The following SQSTM1 variants were observed in gnomAD, a reference collection of about 807,000 sequenced individuals.
The protein encoded by SQSTM1 is sequestosome 1.
SQSTM1 carries 36 observed loss-of-function variants against 45.1 expected under a neutral mutation model. The ratio of observed to expected loss-of-function variants is 0.80; its 90% CI spans 0.61 to 1.05. The LOEUF is 1.05. Ranked by LOEUF, SQSTM1 falls within the 50% of genes least tolerant of loss-of-function variation. The pLI is 0.00. For synonymous variants in SQSTM1, 290 were observed against 244.3 expected (o/e 1.19, Z -1.74); for missense variants, 617 against 607.1 (o/e 1.02, Z -0.17).
chr5:179,837,423 TAA>T lies in SQSTM1; in HGVS notation c.*832_*833del. On this transcript the variant is annotated 3_prime_UTR_variant, in exon 8 of 8. Coordinates refer to ENST00000389805, the MANE Select transcript of SQSTM1 (RefSeq NM_003900.5). The stretch of plus-strand genomic sequence containing the variant: ...TCATCATCGAAGTCTTCCCCAGTTA[TAA>T]AGAGGTCACATAGTCGTGTGGGTCG... 2 of 1,603,816 alleles carry T rather than the reference TAA, an allele frequency of 1.2e-6. No individual in the cohort carries two copies. The highest frequency in any genetic ancestry group is 1.1e-5 in the South Asian group (1 of 90,144).
Position 179,833,619 on chromosome 5 carries a change from A to AGAT in SQSTM1, c.1008_1010dup (p.Asp337dup). ...TGGAGTCGGATAACTGTTCAGGAGG[A>AGAT]GATGATGACTGGACCCATCTGTCTT... On this transcript the variant is annotated inframe_insertion, in exon 7 of 8. Transcript: ENST00000389805. The AGAT allele has an allele frequency of 1.2e-6, 2 of 1,614,104 alleles. No individual in the cohort carries two copies. The highest frequency in any genetic ancestry group is 1.7e-6 in the Non-Finnish European group (2 of 1,180,028).
chr5:179,835,890 A>G (rs1758528735), intron 7 of SQSTM1: 2 of 209,868 alleles, frequency 9.5e-6, no homozygotes, highest in Admixed American at 5.3e-5. Context: ...TATATACCAC[A>G]TTTTCTTTAT....
chr5:179,818,540 G>A (rs1757652207), upstream of SQSTM1, among the ~76,000 whole-genome samples: 1 of 152,174 alleles, frequency 6.6e-6, no homozygotes, highest in African/African-American at 2.4e-5. Flanking sequence ...AACATGCTGG[G>A]CAGCAACAGA....
At chr5:179,818,227 G>C (rs1363330794), upstream of SQSTM1, among the ~76,000 whole-genome samples, 1 of 152,042 alleles carries the variant, frequency 6.6e-6, no homozygotes, top group Non-Finnish European at 1.5e-5. Context: ...GCAAGGGAGG[G>C]CTGTGGCCCT....
At chr5:179,815,925 G>T (rs957709934), upstream of SQSTM1, among the ~76,000 whole-genome samples, 3 of 143,054 alleles carry the variant, frequency 2.1e-5, no homozygotes, top group Non-Finnish European at 4.4e-5. Context: ...AGCCCACATA[G>T]TCAGGGCAGG....
In SQSTM1 at chr5:179,838,014, G is replaced by T; in HGVS notation, c.*1421G>T. ...CTTTCTGCTGGAAGCTGTCAGGCTG[G>T]GACAGGCTTTGATTTTGAGGGTTAG... On this transcript the variant is annotated 3_prime_UTR_variant, in exon 8 of 8. Transcript: ENST00000389805. 1.2e-6 allele frequency: 1 copy of T among 857,072 alleles called. No homozygotes were observed. The highest frequency in any genetic ancestry group is 1.8e-6 in the Non-Finnish European group (1 of 566,814). 53.1% of individuals were successfully genotyped at this position (857,072 alleles called of 1,614,324 possible). A position where few individuals can be genotyped will look rare whatever the true frequency, so the allele number is the denominator to read the frequency against.
Position 179,836,899 on chromosome 5 carries a change from T to C in SQSTM1, c.*306T>C, listed in dbSNP as rs1561610496. 6 of 608,944 alleles carry C rather than the reference T, an allele frequency of 9.9e-6. No homozygotes were observed. In the East Asian group the frequency reaches 1.1e-4, roughly 11 times the overall value. The allele number at this position is 608,944 out of a possible 1,614,324, so 37.7% of individuals were successfully genotyped here. A position where few individuals can be genotyped will look rare whatever the true frequency, so the allele number is the denominator to read the frequency against. On this transcript the variant is annotated 3_prime_UTR_variant, in exon 8 of 8. Transcript: ENST00000389805. ...GGGGCTACGTTAGCAGCCCAGCACA[T>C]AGCTTGCCTAATGGCTTTCACTTTC... is the stretch of plus-strand genomic sequence containing the variant.
upstream of SQSTM1, chr5:179,820,104 C>T (rs1757718135): frequency 6.5e-6 from 1 of 152,730 alleles, no homozygotes; most frequent in African/African-American, 2.4e-5. Flanking sequence ...TCCTTCCTAG[C>T]TGAGGAGGCT....
At chr5:179,829,338 C>T (rs1053059391) in intron 5 of SQSTM1, among the ~76,000 whole-genome samples, 1 of 152,172 alleles carries the variant, frequency 6.6e-6, no homozygotes, top group Non-Finnish European at 1.5e-5. Flanking sequence ...CCTGCCAGAC[C>T]CCCAGGCACC....
At chr5:179,821,285 T>C in intron 1 of SQSTM1, 144 bp downstream of exon 1, 1 of 862,680 alleles carries the variant, frequency 1.2e-6, no homozygotes. Flanking sequence ...GGCGGTGGCC[T>C]GCATGGGTCC....
rs1348734843 is a variant in SQSTM1, at chr5:179,836,909, A to G, written c.*316A>G. On this transcript the variant is annotated 3_prime_UTR_variant, in exon 8 of 8. Coordinates refer to ENST00000389805, the MANE Select transcript of SQSTM1 (RefSeq NM_003900.5). ...TAGCAGCCCAGCACATAGCTTGCCTAATGGCTTTCACTTTCTCTTTTGTTT... is the reference window on the plus strand; with the variant it reads ...TAGCAGCCCAGCACATAGCTTGCCTGATGGCTTTCACTTTCTCTTTTGTTT... 5.6e-5 allele frequency: 34 copies of G among 607,730 alleles called. No homozygotes were observed. In the East Asian group the frequency reaches 9.0e-4, roughly 16 times the overall value. The allele number at this position is 607,730 out of a possible 1,614,324, so 37.6% of individuals were successfully genotyped here.
rs534483123 is a variant in SQSTM1 at position 179,829,683 on chromosome 5, G to GT, written c.755-3342dup. 3.0e-4 allele frequency among the ~76,000 whole-genome samples: 46 copies of GT among 152,160 alleles called. No individual in the cohort carries two copies. In the East Asian group the frequency reaches 7.7e-3, roughly 26 times the overall value. ...ATATTCCAAAAGCAAAATAGAGATAGTTTTTTTATCTTTCCTCTCCTCCTA... is the reference window on the plus strand; with the variant it reads ...ATATTCCAAAAGCAAAATAGAGATAGTTTTTTTTATCTTTCCTCTCCTCCTA... On this transcript the variant is annotated intron_variant, in intron 5 of 7. Coordinates refer to ENST00000389805, the MANE Select transcript of SQSTM1 (RefSeq NM_003900.5).
chr5:179,831,695 T>C (rs1481588043), intron 5 of SQSTM1, among the ~76,000 whole-genome samples: 1 of 151,910 alleles, frequency 6.6e-6, no homozygotes, highest in Admixed American at 6.6e-5. Context: ...CCATTATCAG[T>C]GGTAGGAAAA....
Position 179,824,104 on chromosome 5 carries a change from T to G in SQSTM1, c.531+17T>G, listed in dbSNP as rs1204141934. Reference sequence around the variant, plus strand: ...CTGTCTGAGGTGAGCAGGCCCTCTGTGCAGGCCTGGGGTGGGCTCAGGGTG... The same window carrying G: ...CTGTCTGAGGTGAGCAGGCCCTCTGGGCAGGCCTGGGGTGGGCTCAGGGTG... On this transcript the variant is annotated intron_variant, in intron 3 of 7. Transcript: ENST00000389805. The G allele has an allele frequency of 6.2e-7, 1 of 1,613,726 alleles. No homozygotes were observed.
chr5:179,834,243 G>T (rs1439008947), intron 7 of SQSTM1, among the ~76,000 whole-genome samples: 2 of 93,464 alleles, frequency 2.1e-5, no homozygotes, highest in Non-Finnish European at 4.2e-5. Flanking sequence ...CAGTGGGGGG[G>T]TGGGGGGTGG....
exon 2 of SQSTM1, chr5:179,811,592 C>T (rs1272221484): frequency 1.3e-5 from 2 of 152,246 alleles, no homozygotes; most frequent in African/African-American, 2.4e-5. Flanking sequence ...AGATTAATCT[C>T]TCATGGCCGC....
chr5:179,820,889 G>T, upstream of SQSTM1: 2 of 1,436,238 alleles, frequency 1.4e-6, no homozygotes, highest in Non-Finnish European at 1.8e-6. Context: ...AAAGCCGCGC[G>T]GCGGCTGCGA....
chr5:179,836,923 T>C lies in SQSTM1; in HGVS notation c.*330T>C. 2 of 606,778 alleles carry C rather than the reference T, an allele frequency of 3.3e-6. No homozygotes were observed. The highest frequency in any genetic ancestry group is 5.8e-6 in the Non-Finnish European group (2 of 343,782). The allele number at this position is 606,778 out of a possible 1,614,324, so 37.6% of individuals were successfully genotyped here. Reference sequence around the variant, plus strand: ...ATAGCTTGCCTAATGGCTTTCACTTTCTCTTTTGTTTTAAATGACTCATAG... The same window carrying C: ...ATAGCTTGCCTAATGGCTTTCACTTCCTCTTTTGTTTTAAATGACTCATAG... On this transcript the variant is annotated 3_prime_UTR_variant, in exon 8 of 8. Coordinates refer to ENST00000389805, the MANE Select transcript of SQSTM1 (RefSeq NM_003900.5).
At position 179,833,732 on chromosome 5, in the gene SQSTM1, AG is replaced by A; in HGVS notation, c.1118del (p.Gly373AspfsTer5). 1 of 1,614,124 alleles carries A rather than the reference AG, an allele frequency of 6.2e-7. No homozygotes were observed. The highest frequency in any genetic ancestry group is 8.5e-7 in the Non-Finnish European group (1 of 1,180,010). Reference sequence around the variant, plus strand: ...CCAAGCTCTCTGGACCCCTCCCAGGAGGGACCCACAGGGCTGAAGGAAGCTG... The same window carrying A: ...CCAAGCTCTCTGGACCCCTCCCAGGAGGACCCACAGGGCTGAAGGAAGCTG... ...EGPSSLDPSQ[E>X]GPTGLKEAAL... On this transcript the variant is annotated frameshift_variant, in exon 7 of 8. Transcript: ENST00000389805. LOFTEE classifies it high-confidence loss of function.
Sources: gnomAD v4.1 joint callset for allele counts (sites outside exome capture counted in the v4.1 genomes callset) on GRCh38, gnomAD v4.1.1 for gene constraint, MANE v1.5 for transcripts, NCBI Gene and HGNC (gene_info 2026-07-23, HGNC 2026-07-21) for gene names.